Variants in KCNT1 observed in about 807,000 individuals in gnomAD.
The protein encoded by KCNT1 is potassium sodium-activated channel subfamily T member 1, also known as potassium channel subfamily T member 1.
A neutral mutation model predicts 147.8 loss-of-function variants in KCNT1; 78 were observed. The observed-to-expected ratio is 0.53, with a 90% CI of 0.44 to 0.64. The LOEUF is 0.64. KCNT1 is among the 30% of genes least tolerant of loss of function. The pLI, the probability that KCNT1 is intolerant of heterozygous loss-of-function variation, is 0.00. For missense variants in KCNT1, 1,419 were observed against 1,750.3 expected, an observed-to-expected ratio of 0.81 and a Z score of 3.38; for synonymous variants, 867 against 748.8, an observed-to-expected ratio of 1.16 and a Z score of -2.58.
At chr9:135,761,644 C>T (rs542440184) in intron 11 of KCNT1, among the ~76,000 whole-genome samples, 15 of 152,374 alleles carry the variant, frequency 9.8e-5, no homozygotes, top group South Asian at 6.2e-4. Context: ...GTCCCTGGTC[C>T]GCCCCGGCCC....
chr9:135,759,992 G>T (rs1831807314), intron 11 of KCNT1, 133 bp downstream of exon 11: 2 of 828,598 alleles, frequency 2.4e-6, no homozygotes, highest in Non-Finnish European at 3.6e-6. Context: ...GGCCAGGCGG[G>T]TGGTGCCTGC....
chr9:135,774,746 G>C (rs1247155362), intron 19 of KCNT1, among the ~76,000 whole-genome samples: 1 of 152,172 alleles, frequency 6.6e-6, no homozygotes, highest in Non-Finnish European at 1.5e-5. Context: ...GTGTGTCCGG[G>C]TGTGTCCATT....
intron 1 of KCNT1, 22 bp downstream of exon 1, chr9:135,702,390 C>T (rs771995394): frequency 1.1e-5 from 18 of 1,578,370 alleles, no homozygotes; most frequent in Non-Finnish European, 1.4e-5. Context: ...TGCGCCCTCC[C>T]CACGCGGGGA....
chr9:135,769,944 C>T lies in KCNT1; in HGVS notation c.1511-3C>T. 4 of 1,549,216 alleles carry T rather than the reference C, an allele frequency of 2.6e-6. No individual in the cohort carries two copies. The highest frequency in any genetic ancestry group is 1.7e-6 in the Non-Finnish European group (2 of 1,146,172). ...GTGGACCGGCCTCCCCCACTGCCCGCAGACCACGTGGTGTGTGAGGAGGAG... is the reference window on the plus strand; with the variant it reads ...GTGGACCGGCCTCCCCCACTGCCCGTAGACCACGTGGTGTGTGAGGAGGAG... On this transcript the variant is annotated splice_region_variant and splice_polypyrimidine_tract_variant and intron_variant, in intron 15 of 30. Coordinates refer to ENST00000371757, the MANE Select transcript of KCNT1 (RefSeq NM_020822.3).
chr9:135,788,736 C>G (rs896397589), intron 29 of KCNT1, among the ~76,000 whole-genome samples: 1 of 152,184 alleles, frequency 6.6e-6, no homozygotes, highest in Non-Finnish European at 1.5e-5. Context: ...CCAGCTGGGG[C>G]TCCACGAGGG....
chr9:135,741,420 G>A (rs1293192678), intron 2 of KCNT1, among the ~76,000 whole-genome samples: 3 of 152,212 alleles, frequency 2.0e-5, no homozygotes, highest in East Asian at 3.8e-4. Flanking sequence ...CCTCTGACAC[G>A]GCTGTTGCCC....
intron 27 of KCNT1, 47 bp from the exon 28 acceptor site, chr9:135,785,263 G>A (rs1833948590): frequency 1.2e-6 from 2 of 1,609,740 alleles, no homozygotes; most frequent in Non-Finnish European, 1.7e-6. Context: ...GGCGTGGGGG[G>A]CAGGGGTGCG....
Position 135,753,651 on chromosome 9 carries a change from C to T in KCNT1, c.435-286C>T, listed in dbSNP as rs374419939. On this transcript the variant is annotated intron_variant, in intron 4 of 30. Coordinates refer to ENST00000371757, the MANE Select transcript of KCNT1 (RefSeq NM_020822.3). ...TGTTGCTGTTGGGTTGGGGCTACCC[C>T]CAATCCCGCAGATGTGGGATGTACC... 1,943 of 534,754 alleles carry T rather than the reference C, an allele frequency of 3.6e-3. 8 individuals are homozygous for T. The highest frequency in any genetic ancestry group is 5.0e-3 in the Middle Eastern group (10 of 2,004). 33.1% of individuals were successfully genotyped at this position (534,754 alleles called of 1,614,324 possible).
chr9:135,754,823 T>C (rs1831381319), intron 5 of KCNT1, among the ~76,000 whole-genome samples: 1 of 152,156 alleles, frequency 6.6e-6, no homozygotes, highest in Non-Finnish European at 1.5e-5. Context: ...CCCTTGGTAG[T>C]GTCATGGGCT....
Position 135,765,115 on chromosome 9 carries a change from G to A in KCNT1, c.1120G>A (p.Val374Met), listed in dbSNP as rs1274830087. 1.1e-5 allele frequency: 17 copies of A among 1,613,414 alleles called. No individual in the cohort carries two copies. Among genetic ancestry groups the A allele is most frequent in the Non-Finnish European group, 1.3e-5 (15 of 1,179,952 alleles). Residue 374 changes from valine (V) to methionine (M), a missense_variant, in exon 12 of 31, where the codon GTG (valine) becomes ATG (methionine). Val to Met is a conservative substitution (Grantham distance 21, BLOSUM62 1). Transcript: ENST00000371757. ...SRHRAQTEKH[V>M]VLCVSSLKID... ...CCACCGTGCGCAGACGGAGAAGCACGTGGTCCTGTGTGTCAGCTCCCTCAA... is the reference window on the plus strand; with the variant it reads ...CCACCGTGCGCAGACGGAGAAGCACATGGTCCTGTGTGTCAGCTCCCTCAA...
chr9:135,788,081 CTT>C, intron 29 of KCNT1: 3 of 1,586,228 alleles, frequency 1.9e-6, no homozygotes, highest in African/African-American at 2.7e-5. Context: ...GTCTGTGCCT[CTT>C]TCTGTGTGTT....
rs557284815 is a variant in KCNT1, at chr9:135,722,667, C to T, written c.254+7947C>T. 3.3e-5 allele frequency among the ~76,000 whole-genome samples: 5 copies of T among 152,330 alleles called. 1 individual carries two copies. Among genetic ancestry groups the T allele is most frequent in the South Asian group, 2.1e-4 (1 of 4,828 alleles). The stretch of plus-strand genomic sequence containing the variant: ...GGCTGGAAGCCCAGGATCAAGGCGC[C>T]GGCGGACCAGGCTCCTGGTGAGAGC... On this transcript the variant is annotated intron_variant, in intron 2 of 30. Transcript: ENST00000371757.
At chr9:135,736,903 G>A (rs1830364829) in intron 2 of KCNT1, 2 of 287,056 alleles carry the variant, frequency 7.0e-6, no homozygotes, top group Admixed American at 5.3e-5. Context: ...GGGAGGCCAG[G>A]GTCTCCCCTC....
chr9:135,782,307 G>A (rs561119293), intron 24 of KCNT1, among the ~76,000 whole-genome samples: 7 of 152,312 alleles, frequency 4.6e-5, no homozygotes, highest in Admixed American at 2.6e-4. Context: ...TCAGAGCCCC[G>A]GTGTGTGAGA....
intron 7 of KCNT1, 36 bp downstream of exon 7, chr9:135,756,968 T>TGCG: frequency 1.2e-6 from 1 of 852,562 alleles, no homozygotes; most frequent in Non-Finnish European, 1.6e-6. Flanking sequence ...TCACAGGGGG[T>TGCG]CCCCACCCTC....
At chr9:135,725,853 G>A (rs1409113566) in intron 2 of KCNT1, among the ~76,000 whole-genome samples, 2 of 152,198 alleles carry the variant, frequency 1.3e-5, no homozygotes, top group Non-Finnish European at 2.9e-5. Flanking sequence ...AATATATGCT[G>A]GAAAGCAGAA....
At position 135,769,941 on chromosome 9, in the gene KCNT1, C is replaced by T. The variant is rs896867351; in HGVS notation, c.1511-6C>T. ...CAGGTGGACCGGCCTCCCCCACTGC[C>T]CGCAGACCACGTGGTGTGTGAGGAG... On this transcript the variant is annotated splice_region_variant and splice_polypyrimidine_tract_variant and intron_variant, in intron 15 of 30. Coordinates refer to ENST00000371757, the MANE Select transcript of KCNT1 (RefSeq NM_020822.3). 4 of 1,548,322 alleles carry T rather than the reference C, an allele frequency of 2.6e-6. No individual in the cohort carries two copies. Among genetic ancestry groups the T allele is most frequent in the Non-Finnish European group, 3.5e-6 (4 of 1,145,594 alleles).
Position 135,784,431 on chromosome 9 carries a change from C to T in KCNT1, c.2944-104C>T, listed in dbSNP as rs539461119. The T allele has an allele frequency of 3.9e-4, 332 of 846,650 alleles. 6 individuals carry two copies. In the South Asian group the frequency reaches 4.3e-3, roughly 11 times the overall value. 52.4% of individuals were successfully genotyped at this position (846,650 alleles called of 1,614,324 possible). A position where few individuals can be genotyped will look rare whatever the true frequency, so the allele number is the denominator to read the frequency against. On this transcript the variant is annotated intron_variant, in intron 25 of 30. Coordinates refer to ENST00000371757, the MANE Select transcript of KCNT1 (RefSeq NM_020822.3). ...GCATGAGGGGTGGCGAGCCCGTGGC[C>T]GGTGGGGTATGGACCTGTGTCCCAC...
rs547096610 is a variant in KCNT1 at position 135,769,227 on chromosome 9, G to A, written c.1510+290G>A. Among the ~76,000 whole-genome samples the A allele has an allele frequency of 4.9e-5, 7 of 144,024 alleles. No individual in the cohort carries two copies. The South Asian group carries it at 1.6e-3, about 32-fold the overall frequency. 94.5% of individuals were successfully genotyped at this position (144,024 alleles called of 152,430 possible). A position where few individuals can be genotyped will look rare whatever the true frequency, so the allele number is the denominator to read the frequency against. On this transcript the variant is annotated intron_variant, in intron 15 of 30. Coordinates refer to ENST00000371757, the MANE Select transcript of KCNT1 (RefSeq NM_020822.3). ...AGTGCATCTGGGGCAGGGCACGTGT[G>A]CACGTGTGTGTCGGTGTGTCTGGGG...
Sources: gnomAD v4.1 joint callset for allele counts (sites outside exome capture counted in the v4.1 genomes callset) on GRCh38, gnomAD v4.1.1 for gene constraint, MANE v1.5 for transcripts, NCBI Gene and HGNC (gene_info 2026-07-23, HGNC 2026-07-21) for gene names.